Variants in MAL observed in about 807,000 individuals in gnomAD.
The protein encoded by MAL is myelin and lymphocyte protein.
Under a neutral mutation model 16.7 loss-of-function variants are expected in MAL, and 5 were observed. The ratio of observed to expected loss-of-function variants is 0.30; its 90% CI spans 0.16 to 0.63. The LOEUF (loss-of-function observed/expected upper bound fraction) is 0.63. Among genes scored for constraint, MAL ranks in the 30% least tolerant of loss-of-function variants. MAL has a pLI of 0.82. For synonymous variants in MAL, 96 were observed against 85.5 expected (o/e 1.12, Z -0.67); for missense variants, 202 against 195.8 (o/e 1.03, Z -0.19).
At chr2:95,049,076 C>G (rs1315468495) in intron 2 of MAL, among the ~76,000 whole-genome samples, 1 of 152,206 alleles carries the variant, frequency 6.6e-6, no homozygotes, top group Non-Finnish European at 1.5e-5. Flanking sequence ...CACCAATCTC[C>G]CAAAGCTCTA....
At chr2:95,053,184 A>G (rs747008095) in intron 3 of MAL, 197 bp from the exon 4 acceptor site, 9 of 543,104 alleles carry the variant, frequency 1.7e-5, no homozygotes, top group Non-Finnish European at 2.0e-5. Flanking sequence ...GTTAGGTCAC[A>G]TGGAGCTCTG....
At chr2:95,032,539 C>A (rs1296106771) in intron 1 of MAL, among the ~76,000 whole-genome samples, 1 of 152,190 alleles carries the variant, frequency 6.6e-6, no homozygotes, top group African/African-American at 2.4e-5. Context: ...AGAGGGTGTA[C>A]CCTCCTGGTG....
chr2:95,034,560 G>C (rs1674161592), intron 1 of MAL, among the ~76,000 whole-genome samples: 1 of 152,168 alleles, frequency 6.6e-6, no homozygotes, highest in Non-Finnish European at 1.5e-5. Flanking sequence ...TGTATGCAAG[G>C]GCATCAGTTC....
Position 95,048,140 on chromosome 2 carries a change from A to T in MAL, c.261+14A>T, listed in dbSNP as rs777212629. On this transcript the variant is annotated intron_variant, in intron 2 of 3. Coordinates refer to ENST00000309988, the MANE Select transcript of MAL (RefSeq NM_002371.4). The stretch of plus-strand genomic sequence containing the variant: ...TGGGTCACCTTGGTGAGTCCAGCCC[A>T]GGGTGGCTGCTGGTTGTAGGGGGGC... 3.7e-5 allele frequency: 60 copies of T among 1,603,882 alleles called. No homozygotes were observed. The East Asian group carries it at 1.2e-3, about 33-fold the overall frequency.
At position 95,025,763 on chromosome 2, in the gene MAL, C is replaced by G. The variant is rs1466195698; in HGVS notation, c.-30C>G. 1.4e-6 allele frequency: 2 copies of G among 1,480,664 alleles called. No homozygotes were observed. The highest frequency in any genetic ancestry group is 4.4e-5 in the Admixed American group (2 of 45,660). The allele number at this position is 1,480,664 out of a possible 1,614,324, so 91.7% of individuals were successfully genotyped here. On this transcript the variant is annotated 5_prime_UTR_variant, in exon 1 of 4. Transcript: ENST00000309988. This position sits in a 1 kb window ranked among gnomAD's most constrained non-coding sequence, Gnocchi z 5.6. ...GCGCGGAGTCTGAGCGGCGCTCGTC[C>G]CGTCCCAAGGCCGACGCCAGCACGC...
Position 95,053,452 on chromosome 2 carries a change from A to C in MAL, c.459A>C (p.Ser153=). Residue 153 remains serine (S), a synonymous_variant, in exon 4 of 4, where the codon TCA becomes TCC. Coordinates refer to ENST00000309988, the MANE Select transcript of MAL (RefSeq NM_002371.4). ...TCTCTTTAATCAGATGGAAGTCTTC[A>C]TAAAGCCGCAGTAGAACTTGAGCTG... ...AVFSLIRWKS[S] The C allele has an allele frequency of 6.2e-7, 1 of 1,611,922 alleles. No homozygotes were observed. The highest frequency in any genetic ancestry group is 8.5e-7 in the Non-Finnish European group (1 of 1,178,028).
intron 1 of MAL, among the ~76,000 whole-genome samples, chr2:95,046,958 AAAG>A (rs1380200346): frequency 6.7e-6 from 1 of 149,996 alleles, no homozygotes; most frequent in East Asian, 1.9e-4. Flanking sequence ...GAGAAAAAAG[AAAG>A]AAAGAAAGAA....
At chr2:95,043,486 C>T (rs1249155872) in intron 1 of MAL, among the ~76,000 whole-genome samples, 3 of 152,238 alleles carry the variant, frequency 2.0e-5, no homozygotes, top group Non-Finnish European at 4.4e-5. Flanking sequence ...TCACTTGCTG[C>T]AGCGTCCCAC....
chr2:95,038,228 CTGAGTGACTGAG>C (rs1558658509), intron 1 of MAL, among the ~76,000 whole-genome samples: 4 of 43,936 alleles, frequency 9.1e-5, no homozygotes, highest in Non-Finnish European at 1.6e-4. Context: ...GAGTGAGTGA[CTGAGTGACTGAG>C]TGTGTGAGTG....
intron 1 of MAL, among the ~76,000 whole-genome samples, chr2:95,038,212 C>CTGAG (rs1674301052): frequency 1.3e-5 from 1 of 75,186 alleles, no homozygotes; most frequent in African/African-American, 6.1e-5. Context: ...GAGTGAGTGA[C>CTGAG]TCAGTGAGTG....
In MAL at chr2:95,043,939, G is replaced by A. The variant is rs570606622; in HGVS notation, c.94-4020G>A. Among the ~76,000 whole-genome samples, 6 of 152,292 alleles carry A rather than the reference G, an allele frequency of 3.9e-5. No individual in the cohort carries two copies. In the East Asian group the frequency reaches 1.2e-3, roughly 29 times the overall value. On this transcript the variant is annotated intron_variant, in intron 1 of 3. Coordinates refer to ENST00000309988, the MANE Select transcript of MAL (RefSeq NM_002371.4). Reference sequence around the variant, plus strand: ...CTACCTTCACCTTCATATGTTTCTGGGACAGGCAAGGACTGGTGTAAGAGC... The same window carrying A: ...CTACCTTCACCTTCATATGTTTCTGAGACAGGCAAGGACTGGTGTAAGAGC...
intron 1 of MAL, among the ~76,000 whole-genome samples, chr2:95,033,998 G>A (rs1040036647): frequency 3.9e-5 from 6 of 152,222 alleles, no homozygotes; most frequent in African/African-American, 1.4e-4. Context: ...GCTATCAAGT[G>A]CTGTTATTAT....
intron 1 of MAL, among the ~76,000 whole-genome samples, chr2:95,035,956 A>C (rs1325798486): frequency 6.6e-5 from 10 of 152,192 alleles, no homozygotes; most frequent in Admixed American, 6.5e-5. Flanking sequence ...GGCGTGAGCC[A>C]CCGTGCCCAG....
At chr2:95,036,594 C>A (rs1249492520) in intron 1 of MAL, among the ~76,000 whole-genome samples, 1 of 152,246 alleles carries the variant, frequency 6.6e-6, no homozygotes, top group Non-Finnish European at 1.5e-5. Context: ...CTGTCAGCAT[C>A]TGTTAAATGC....
At chr2:95,026,635 A>G (rs1311661623) in intron 1 of MAL, 1 of 151,712 alleles carries the variant, frequency 6.6e-6, no homozygotes, top group African/African-American at 2.4e-5. Flanking sequence ...GGCTGCAGGA[A>G]AGCGCTTCCT....
intron 1 of MAL, among the ~76,000 whole-genome samples, chr2:95,043,164 C>T (rs1292030358): frequency 6.6e-6 from 1 of 152,216 alleles, no homozygotes; most frequent in East Asian, 1.9e-4. Flanking sequence ...AGTCCTTTGG[C>T]CTGGTTAACC....
chr2:95,050,223 T>C (rs1404049907), intron 3 of MAL, among the ~76,000 whole-genome samples: 2 of 152,216 alleles, frequency 1.3e-5, no homozygotes, highest in Admixed American at 6.5e-5. Context: ...TGGTCGTCCA[T>C]TGAAGCATCC....
Position 95,025,916 on chromosome 2 carries a change from G to A in MAL, c.93+31G>A. 2 of 1,515,862 alleles carry A rather than the reference G, an allele frequency of 1.3e-6. No homozygotes were observed. The highest frequency in any genetic ancestry group is 1.8e-6 in the Non-Finnish European group (2 of 1,125,228). The allele number at this position is 1,515,862 out of a possible 1,614,324, so 93.9% of individuals were successfully genotyped here. On this transcript the variant is annotated intron_variant, in intron 1 of 3. Transcript: ENST00000309988. The surrounding 1 kb of genome is among the most constrained non-coding windows in gnomAD (Gnocchi z 5.6). Reference sequence around the variant, plus strand: ...TGGCTCCTGGCCGGGGAAGGGACGGGGTGGGCTGAGCCGTGCGCTCTCTCG... The same window carrying A: ...TGGCTCCTGGCCGGGGAAGGGACGGAGTGGGCTGAGCCGTGCGCTCTCTCG...
intron 1 of MAL, among the ~76,000 whole-genome samples, chr2:95,042,142 G>C (rs750589051): frequency 5.3e-5 from 8 of 152,162 alleles, no homozygotes; most frequent in Non-Finnish European, 7.3e-5. Flanking sequence ...GGAGAGGAGG[G>C]GAAAGGAGAG....
Sources: gnomAD v4.1 joint callset for allele counts (sites outside exome capture counted in the v4.1 genomes callset) on GRCh38, gnomAD v4.1.1 for gene constraint, Gnocchi (gnomAD v3.1) non-coding constraint, MANE v1.5 for transcripts, NCBI Gene and HGNC (gene_info 2026-07-23, HGNC 2026-07-21) for gene names.